Variants in SPTLC2 observed in about 807,000 individuals in gnomAD.
SPTLC2 encodes serine palmitoyltransferase long chain base subunit 2.
In SPTLC2, 21 loss-of-function variants were observed where a neutral mutation model predicts 62.0. The observed-to-expected ratio is 0.34, with a 90% CI of 0.24 to 0.49. The LOEUF is 0.49. Ranked by LOEUF, SPTLC2 falls within the 20% of genes least tolerant of loss-of-function variation. The pLI, the probability that SPTLC2 is intolerant of heterozygous loss-of-function variation, is 0.99. For synonymous variants in SPTLC2, 261 were observed against 261.8 expected, an observed-to-expected ratio of 1.00 and a Z score of 0.03; for missense variants, 511 against 713.0, an observed-to-expected ratio of 0.72 and a Z score of 3.23.
chr14:77,601,778 T>C (rs2079878788), intron 1 of SPTLC2, among the ~76,000 whole-genome samples: 1 of 152,186 alleles, frequency 6.6e-6, no homozygotes, highest in South Asian at 2.1e-4. Context: ...AACCTCTTTC[T>C]CCTTTCAATC....
intron 5 of SPTLC2, among the ~76,000 whole-genome samples, chr14:77,564,311 G>GAGAAGGAGAAGAAGGAGA (rs1471534456): frequency 2.7e-5 from 4 of 146,838 alleles, no homozygotes; most frequent in African/African-American, 1.0e-4. Flanking sequence ...GGAGAAGGAG[G>GAGAAGGAGAAGAAGGAGA]AGAAGGAGAA....
At chr14:77,542,865 G>A (rs1218483254) in intron 9 of SPTLC2, among the ~76,000 whole-genome samples, 1 of 152,126 alleles carries the variant, frequency 6.6e-6, no homozygotes, top group Non-Finnish European at 1.5e-5. Flanking sequence ...CAGGATGTAT[G>A]ACAAGCAGCA....
intron 1 of SPTLC2, among the ~76,000 whole-genome samples, chr14:77,606,698 T>C (rs2079907122): frequency 6.6e-6 from 1 of 152,112 alleles, no homozygotes; most frequent in South Asian, 2.1e-4. Context: ...TCAAGAACTG[T>C]ACTCTAGGCT....
intron 11 of SPTLC2, among the ~76,000 whole-genome samples, chr14:77,512,738 T>TG (rs2079338660): frequency 2.6e-5 from 4 of 152,220 alleles, no homozygotes; most frequent in African/African-American, 9.6e-5. Flanking sequence ...GTTTTTGAGA[T>TG]GGAGTATCGC....
At chr14:77,512,476 C>G in intron 11 of SPTLC2, 73 bp from the exon 12 acceptor site, 1 of 1,607,176 alleles carries the variant, frequency 6.2e-7, no homozygotes, top group South Asian at 1.1e-5. Flanking sequence ...TTTTACTTTG[C>G]TAAAAACAAT....
chr14:77,581,089 C>T (rs761518252), intron 2 of SPTLC2, among the ~76,000 whole-genome samples: 1 of 152,172 alleles, frequency 6.6e-6, no homozygotes, highest in Non-Finnish European at 1.5e-5. Context: ...GTAAACCAAA[C>T]AACAAGAAAA....
intron 1 of SPTLC2, among the ~76,000 whole-genome samples, chr14:77,608,201 G>A (rs760656232): frequency 8.5e-5 from 13 of 152,128 alleles, no homozygotes; most frequent in Non-Finnish European, 1.5e-4. Flanking sequence ...CTCCCCTCAC[G>A]CTAGTAAGAA....
chr14:77,518,612 T>G (rs2079370724), intron 10 of SPTLC2, among the ~76,000 whole-genome samples: 3 of 127,350 alleles, frequency 2.4e-5, no homozygotes, highest in East Asian at 2.1e-4. Flanking sequence ...AAAAAAAAAG[T>G]GTCCCTGATA....
At chr14:77,601,794 G>A (rs564837844) in intron 1 of SPTLC2, among the ~76,000 whole-genome samples, 11 of 152,044 alleles carry the variant, frequency 7.2e-5, no homozygotes, top group Admixed American at 1.3e-4. Flanking sequence ...CAATCTTGGC[G>A]CCACCCTTCA....
chr14:77,613,755 C>T (rs949991604), intron 1 of SPTLC2, among the ~76,000 whole-genome samples: 2 of 152,070 alleles, frequency 1.3e-5, no homozygotes, highest in African/African-American at 2.4e-5. Context: ...CAGCTGTATG[C>T]GTATTTTTGA....
intron 2 of SPTLC2, among the ~76,000 whole-genome samples, chr14:77,587,925 T>TTTG (rs36088012): frequency 0.22 from 32,802 of 151,114 alleles, 4,040 homozygotes; most frequent in East Asian, 0.56. Context: ...TTGGGCAACA[T>TTTG]TTGTTGTTGT....
intron 9 of SPTLC2, among the ~76,000 whole-genome samples, chr14:77,522,751 T>C (rs1272554009): frequency 6.6e-6 from 1 of 152,214 alleles, no homozygotes; most frequent in Non-Finnish European, 1.5e-5. Flanking sequence ...CAACCATGAA[T>C]ACTCATGAAT....
Position 77,508,061 on chromosome 14 carries a change from C to T in SPTLC2, c.*4223G>A, listed in dbSNP as rs1332023139. 6.6e-6 allele frequency: 1 copy of T among 152,250 alleles called. No individual in the cohort carries two copies. The highest frequency in any genetic ancestry group is 1.5e-5 in the Non-Finnish European group (1 of 68,114). 9.4% of individuals were successfully genotyped at this position (152,250 alleles called of 1,614,324 possible). A position where few individuals can be genotyped will look rare whatever the true frequency, so the allele number is the denominator to read the frequency against. ...CCCCTCTTATTGAGCCAGGGTCTCA[C>T]TCTGTCACCCAGGCTGGAGTGCAGG... On this transcript the variant is annotated 3_prime_UTR_variant, in exon 12 of 12. Transcript: ENST00000216484.
chr14:77,604,691 A>G (rs1348848757), intron 1 of SPTLC2, among the ~76,000 whole-genome samples: 3 of 151,992 alleles, frequency 2.0e-5, no homozygotes, highest in Non-Finnish European at 4.4e-5. Context: ...AACATGGAGA[A>G]ACCCCATTTC....
At chr14:77,524,597 C>T (rs557054552) in intron 9 of SPTLC2, among the ~76,000 whole-genome samples, 15 of 152,234 alleles carry the variant, frequency 9.9e-5, no homozygotes, top group Middle Eastern at 3.4e-3. Context: ...GAGCCAAATA[C>T]GGAATCATTC....
chr14:77,557,029 A>C lies in SPTLC2; in HGVS notation c.956+12T>G. 1 of 1,607,558 alleles carries C rather than the reference A, an allele frequency of 6.2e-7. No individual in the cohort carries two copies. Among genetic ancestry groups the C allele is most frequent in the Non-Finnish European group, 8.5e-7 (1 of 1,174,256 alleles). On this transcript the variant is annotated intron_variant, in intron 7 of 11. Transcript: ENST00000216484. The stretch of plus-strand genomic sequence containing the variant: ...CCAAGTCACAAAGGTAAGAATAATA[A>C]AGCAGGATTACCTATATATTCCTTC...
At chr14:77,525,590 G>A (rs1486799956) in intron 9 of SPTLC2, among the ~76,000 whole-genome samples, 5 of 140,194 alleles carry the variant, frequency 3.6e-5, no homozygotes, top group East Asian at 4.1e-4. Flanking sequence ...ACTCCGTCTC[G>A]AAAAAAAAAA....
intron 9 of SPTLC2, among the ~76,000 whole-genome samples, chr14:77,531,443 T>TCTTCTTCTC (rs1478198521): frequency 0.013 from 1,743 of 130,342 alleles, 85 homozygotes; most frequent in African/African-American, 0.05. Flanking sequence ...TTCTTCTTCT[T>TCTTCTTCTC]CTCCTCCTTC....
chr14:77,601,461 C>T (rs2079876998), intron 1 of SPTLC2, among the ~76,000 whole-genome samples: 1 of 152,206 alleles, frequency 6.6e-6, no homozygotes, highest in South Asian at 2.1e-4. Flanking sequence ...ATAATTCCCG[C>T]CCTTTGCTGA....
Sources: allele counts gnomAD v4.1 joint callset (sites outside exome capture counted in the v4.1 genomes callset), GRCh38; gene constraint gnomAD v4.1.1; transcripts MANE v1.5; gene names NCBI Gene and HGNC (gene_info 2026-07-23, HGNC 2026-07-21).